COL24A1: variants seen among roughly 807,000 people sequenced by gnomAD.
COL24A1 encodes the protein collagen type XXIV alpha 1 chain, also known as collagen alpha-1(XXIV) chain.
COL24A1 carries 224 observed loss-of-function variants against 253.9 expected under a neutral mutation model. The ratio of observed to expected loss-of-function variants is 0.88; its 90% CI spans 0.79 to 0.99. The LOEUF is 0.99. Ranked by LOEUF, COL24A1 falls within the 50% of genes least tolerant of loss-of-function variation. The pLI is 0.00. For synonymous variants in COL24A1, 685 were observed against 673.7 expected (o/e 1.02, Z -0.26); for missense variants, 2,131 against 2,068.5 (o/e 1.03, Z -0.59).
intron 19 of COL24A1, among the ~76,000 whole-genome samples, chr1:86,002,098 A>G (rs1021274391): frequency 3.3e-5 from 5 of 152,206 alleles, no homozygotes; most frequent in Admixed American, 3.3e-4. Context: ...TAAGAATTGG[A>G]TTGTCTAAAG....
At chr1:85,960,992 A>G in intron 24 of COL24A1, 1 of 297,508 alleles carries the variant, frequency 3.4e-6, no homozygotes, top group East Asian at 6.3e-5. Flanking sequence ...AAAACCAAAT[A>G]TTAGAAACAA....
At chr1:85,966,380 A>C (rs1012825506) in intron 22 of COL24A1, among the ~76,000 whole-genome samples, 4 of 152,142 alleles carry the variant, frequency 2.6e-5, no homozygotes, top group Non-Finnish European at 5.9e-5. Flanking sequence ...TCCAGAATTT[A>C]ACTGGATCAG....
rs1341422638 is a variant in COL24A1 at position 86,115,313 on chromosome 1, C to T, written c.1545+12G>A. 11 of 1,612,962 alleles carry T rather than the reference C, an allele frequency of 6.8e-6. No homozygotes were observed. The highest frequency in any genetic ancestry group is 9.3e-6 in the Non-Finnish European group (11 of 1,179,238). On this transcript the variant is annotated intron_variant, in intron 4 of 59. Transcript: ENST00000370571. ...TCTCACTGCCAGCAGGAAATATAGC[C>T]CATCTACTTACCCGTGGACCTCTCT...
intron 9 of COL24A1, among the ~76,000 whole-genome samples, 194 bp from the exon 10 acceptor site, chr1:86,058,169 C>T (rs1480139923): frequency 2.0e-5 from 3 of 151,966 alleles, no homozygotes; most frequent in African/African-American, 7.2e-5. Context: ...TGGAAATAAT[C>T]TATACACAAT....
chr1:85,836,081 A>G (rs1675969342), intron 43 of COL24A1, among the ~76,000 whole-genome samples: 1 of 152,194 alleles, frequency 6.6e-6, no homozygotes, highest in Non-Finnish European at 1.5e-5. Context: ...CAGTTTACTA[A>G]TCTTAACCCA....
intron 8 of COL24A1, among the ~76,000 whole-genome samples, chr1:86,063,237 G>T (rs781214249): frequency 1.3e-5 from 2 of 151,800 alleles, no homozygotes; most frequent in Non-Finnish European, 2.9e-5. Flanking sequence ...TTCTAATTTG[G>T]ACTGTTATTG....
intron 53 of COL24A1, among the ~76,000 whole-genome samples, chr1:85,774,796 A>G (rs1420109550): frequency 6.6e-6 from 1 of 151,924 alleles, no homozygotes; most frequent in African/African-American, 2.4e-5. Context: ...CGGTCTATCA[A>G]TTTTGTTGAT....
At chr1:86,104,043 T>C (rs1263171732) in intron 5 of COL24A1, among the ~76,000 whole-genome samples, 1 of 152,200 alleles carries the variant, frequency 6.6e-6, no homozygotes, top group Admixed American at 6.5e-5. Context: ...TTTGGTCTCT[T>C]TACATGATCC....
At chr1:86,040,807 T>G (rs2101602578) in intron 12 of COL24A1, among the ~76,000 whole-genome samples, 1 of 152,270 alleles carries the variant, frequency 6.6e-6, no homozygotes, top group South Asian at 2.1e-4. Flanking sequence ...TAACAACTTT[T>G]TCATAATGTT....
chr1:85,932,832 C>G (rs1467692142), intron 24 of COL24A1, among the ~76,000 whole-genome samples: 2 of 65,178 alleles, frequency 3.1e-5, no homozygotes, highest in Non-Finnish European at 5.7e-5. Context: ...TAAACTATCG[C>G]AAGAACAAAA....
At chr1:85,830,399 G>A (rs2102094598) in intron 43 of COL24A1, among the ~76,000 whole-genome samples, 1 of 152,278 alleles carries the variant, frequency 6.6e-6, no homozygotes, top group South Asian at 2.1e-4. Context: ...TGCCCCCAGA[G>A]GTGGAGCCTA....
chr1:85,823,459 A>G, intron 45 of COL24A1, 77 bp downstream of exon 45: 13 of 1,329,010 alleles, frequency 9.8e-6, no homozygotes, highest in Non-Finnish European at 1.3e-5. Context: ...ATTACAATAA[A>G]TAGTAACTCC....
chr1:85,987,450 T>A, intron 20 of COL24A1, 151 bp downstream of exon 20: 1 of 707,506 alleles, frequency 1.4e-6, no homozygotes, highest in Non-Finnish European at 2.4e-6. Context: ...TTTGCAACTA[T>A]CTGAAACCTA....
rs370938187 is a variant in COL24A1, at chr1:86,019,264, A to C, written c.2257-2060T>G. The stretch of plus-strand genomic sequence containing the variant: ...TCAAACACCTACAGTTTTTCTATTA[A>C]TAATATATACAGCCAGGTGCAGTGG... On this transcript the variant is annotated intron_variant, in intron 18 of 59. Transcript: ENST00000370571. Among the ~76,000 whole-genome samples the C allele has an allele frequency of 1.5e-4, 23 of 152,266 alleles. No individual in the cohort carries two copies. In the East Asian group the frequency reaches 2.5e-3, roughly 17 times the overall value.
chr1:85,982,193 T>C (rs1416884337), intron 20 of COL24A1, among the ~76,000 whole-genome samples: 1 of 152,004 alleles, frequency 6.6e-6, no homozygotes, highest in Non-Finnish European at 1.5e-5. Context: ...CATAATTCCA[T>C]CTATAGGCGG....
intron 53 of COL24A1, 151 bp downstream of exon 53, chr1:85,775,523 G>A (rs1175388835): frequency 8.0e-6 from 5 of 626,538 alleles, no homozygotes; most frequent in South Asian, 4.5e-5. Flanking sequence ...TTACTGCATC[G>A]GTTAATTCTA....
Position 86,092,306 on chromosome 1 carries a change from A to T in COL24A1, c.1614T>A (p.Asp538Glu). 2 of 1,588,704 alleles carry T rather than the reference A, an allele frequency of 1.3e-6. No homozygotes were observed. The highest frequency in any genetic ancestry group is 1.7e-6 in the Non-Finnish European group (2 of 1,158,416). ...CAGGTTGACCTGGGGAAAATCCTGG[A>T]TCTCCTTTGGGGCCCTAAATAAAAT... ...GLPGPKGPKG[D>E]PGFSPGQPVP... The change falls in exon 6 of 60, where the codon GAT becomes GAA. Residue 538 changes from aspartate to glutamate, a missense_variant. Asp to Glu is a conservative substitution (Grantham distance 45). Coordinates refer to ENST00000370571, the MANE Select transcript of COL24A1 (RefSeq NM_152890.7).
chr1:86,045,603 T>C (rs72960309), intron 12 of COL24A1, among the ~76,000 whole-genome samples: 1 of 149,666 alleles, frequency 6.7e-6, no homozygotes, highest in Admixed American at 6.6e-5. Flanking sequence ...TGTAACAGAG[T>C]ATAGTTAAAT....
intron 47 of COL24A1, among the ~76,000 whole-genome samples, chr1:85,786,799 A>C (rs1558123803): frequency 6.6e-6 from 1 of 152,236 alleles, no homozygotes; most frequent in Non-Finnish European, 1.5e-5. Flanking sequence ...TCTGGTGTAC[A>C]TGGCAACTCT....
Sources: allele counts gnomAD v4.1 joint callset (sites outside exome capture counted in the v4.1 genomes callset), GRCh38; gene constraint gnomAD v4.1.1; transcripts MANE v1.5; gene names NCBI Gene and HGNC (gene_info 2026-07-23, HGNC 2026-07-21).